ZNF365: variants seen among roughly 807,000 people sequenced by gnomAD.
The protein encoded by ZNF365 is protein ZNF365.
ZNF365 carries 22 observed loss-of-function variants against 35.0 expected under a neutral mutation model. The ratio of observed to expected loss-of-function variants is 0.63; its 90% confidence interval spans 0.45 to 0.90. The LOEUF (loss-of-function observed/expected upper bound fraction) is 0.90, where lower values mean the gene tolerates loss of function less well. ZNF365 is among the 40% of genes least tolerant of loss of function. ZNF365 has a pLI of 0.00. For missense variants in ZNF365, 448 were observed against 500.3 expected (o/e 0.90, Z 1.00); for synonymous variants, 188 against 196.2 (o/e 0.96, Z 0.35).
rs1380386272 is a variant in ZNF365 at position 62,399,839 on chromosome 10, T to C, written c.*50T>C. On this transcript the variant is annotated 3_prime_UTR_variant, in exon 5 of 5. Coordinates refer to ENST00000395254, the MANE Select transcript of ZNF365 (RefSeq NM_014951.3). The stretch of plus-strand genomic sequence containing the variant: ...CATCGCTGGGCTTTGGGGAACGTTG[T>C]TCCAGGAGCCAACAGTAATGTCTTT... 3.6e-5 allele frequency: 56 copies of C among 1,555,014 alleles called. No individual in the cohort carries two copies. The highest frequency in any genetic ancestry group is 4.7e-5 in the Non-Finnish European group (54 of 1,149,258).
intron 4 of ZNF365, among the ~76,000 whole-genome samples, chr10:62,477,476 A>C (rs1408174856): frequency 6.6e-6 from 1 of 152,196 alleles, no homozygotes; most frequent in Non-Finnish European, 1.5e-5. Context: ...CATCCTTTAG[A>C]TATGTGGGAT....
intron 3 of ZNF365, among the ~76,000 whole-genome samples, chr10:62,454,629 A>C (rs1840733324): frequency 6.7e-6 from 1 of 150,098 alleles, no homozygotes; most frequent in South Asian, 2.1e-4. Flanking sequence ...CATGTGCTTC[A>C]TGTTTTTTTT....
intron 4 of ZNF365, among the ~76,000 whole-genome samples, chr10:62,465,319 A>C (rs1025432120): frequency 1.3e-5 from 2 of 152,130 alleles, no homozygotes; most frequent in African/African-American, 4.8e-5. Flanking sequence ...CAGGGTACTG[A>C]GGGTGGCTTG....
chr10:62,441,292 T>C (rs1840497223), intron 3 of ZNF365, among the ~76,000 whole-genome samples: 1 of 152,180 alleles, frequency 6.6e-6, no homozygotes, highest in Non-Finnish European at 1.5e-5. Context: ...TGGCAGTTTC[T>C]TTTTGCTCCC....
At chr10:62,441,500 C>A (rs1840500948) in intron 3 of ZNF365, among the ~76,000 whole-genome samples, 2 of 152,010 alleles carry the variant, frequency 1.3e-5, no homozygotes, top group Non-Finnish European at 2.9e-5. Context: ...GTCATACAGA[C>A]CTCAGTCATC....
intron 3 of ZNF365, among the ~76,000 whole-genome samples, chr10:62,426,396 T>A (rs961590497): frequency 6.6e-6 from 1 of 152,164 alleles, no homozygotes; most frequent in Non-Finnish European, 1.5e-5. Context: ...CAAACCTCCC[T>A]GCAGGCTACC....
chr10:62,430,253 G>GTTTT (rs34778344), intron 3 of ZNF365, among the ~76,000 whole-genome samples: 2 of 101,904 alleles, frequency 2.0e-5, no homozygotes, highest in African/African-American at 3.8e-5. Flanking sequence ...TTTGGAAAAG[G>GTTTT]TTTTTTTTTT....
At chr10:62,473,365 T>C (rs1841075221) in intron 4 of ZNF365, among the ~76,000 whole-genome samples, 1 of 152,206 alleles carries the variant, frequency 6.6e-6, no homozygotes, top group Non-Finnish European at 1.5e-5. Flanking sequence ...GTAAAAACTT[T>C]GTTGATCTGA....
chr10:62,427,297 A>G (rs955892257), intron 3 of ZNF365, among the ~76,000 whole-genome samples: 1 of 152,148 alleles, frequency 6.6e-6, no homozygotes, highest in Non-Finnish European at 1.5e-5. Context: ...CTGTACCTTT[A>G]GTATGTTTAG....
chr10:62,446,782 G>C (rs1247566646), intron 3 of ZNF365, among the ~76,000 whole-genome samples: 1 of 152,134 alleles, frequency 6.6e-6, no homozygotes, highest in Non-Finnish European at 1.5e-5. Context: ...CGGCTGGCTG[G>C]TCCTGAAACT....
chr10:62,474,851 G>A (rs1184105855), intron 4 of ZNF365, among the ~76,000 whole-genome samples: 1 of 152,174 alleles, frequency 6.6e-6, no homozygotes. Flanking sequence ...CAGTTCACAT[G>A]GTCTTGTCTC....
Position 62,399,656 on chromosome 10 carries a change from A to G in ZNF365, c.1091A>G (p.His364Arg), listed in dbSNP as rs775447074. Residue 364 changes from histidine to arginine, a missense_variant, in exon 5 of 5, where the codon CAC becomes CGC. Transcript: ENST00000395254. The stretch of plus-strand genomic sequence containing the variant: ...AGCATGCAGCCTGCCAAGGCCATTC[A>G]CGAACAGGCTGAGTCCTCAAGAGAC... ...RASMQPAKAI[H>R]EQAESSRDLC... 1 of 1,614,184 alleles carries G rather than the reference A, an allele frequency of 6.2e-7. No individual in the cohort carries two copies. Among genetic ancestry groups the G allele is most frequent in the Non-Finnish European group, 8.5e-7 (1 of 1,180,044 alleles).
At chr10:62,410,983 A>C (rs1452282554) in intron 3 of ZNF365, among the ~76,000 whole-genome samples, 2 of 152,142 alleles carry the variant, frequency 1.3e-5, no homozygotes, top group Non-Finnish European at 2.9e-5. Context: ...CTAGCTTGAG[A>C]CAGTGTATCA....
intron 3 of ZNF365, among the ~76,000 whole-genome samples, chr10:62,435,169 A>G (rs1033574532): frequency 1.3e-5 from 2 of 152,202 alleles, no homozygotes; most frequent in Non-Finnish European, 2.9e-5. Flanking sequence ...ACTTGCTGAG[A>G]TTTGGGAAGG....
rs917174977 is a variant in ZNF365, at chr10:62,398,696, T to C, written c.925-44T>C. 1.9e-6 allele frequency: 3 copies of C among 1,578,448 alleles called. No individual in the cohort carries two copies. The African/African-American group carries it at 4.1e-5, about 21-fold the overall frequency. On this transcript the variant is annotated intron_variant, in intron 3 of 4. Coordinates refer to ENST00000395254, the MANE Select transcript of ZNF365 (RefSeq NM_014951.3). ...GAAATATTTTAAAAACCAAATCCAGTCCTCAAATGCAGTTAACATTTTTTC... is the reference window on the plus strand; with the variant it reads ...GAAATATTTTAAAAACCAAATCCAGCCCTCAAATGCAGTTAACATTTTTTC...
At chr10:62,430,553 A>T (rs953811813) in intron 3 of ZNF365, among the ~76,000 whole-genome samples, 1 of 152,216 alleles carries the variant, frequency 6.6e-6, no homozygotes, top group African/African-American at 2.4e-5. Context: ...GAAGTTTAAT[A>T]ACATAATAAA....
chr10:62,399,024 T>C (rs1839778696), intron 4 of ZNF365, among the ~76,000 whole-genome samples: 1 of 152,210 alleles, frequency 6.6e-6, no homozygotes, highest in African/African-American at 2.4e-5. Context: ...TTTTAGAGTA[T>C]TATATAGTAT....
intron 3 of ZNF365, among the ~76,000 whole-genome samples, chr10:62,415,027 TTG>T (rs1171746549): frequency 1.3e-5 from 2 of 152,158 alleles, no homozygotes; most frequent in African/African-American, 4.8e-5. Flanking sequence ...TTCGTCTGAT[TTG>T]TTTTTAGAGA....
intron 3 of ZNF365, among the ~76,000 whole-genome samples, chr10:62,389,439 G>GT (rs59551708): frequency 0.058 from 8,561 of 148,302 alleles, 559 homozygotes; most frequent in African/African-American, 0.16. Context: ...AAATAGTTTT[G>GT]TTTTTTTTTT....
Sources: allele counts gnomAD v4.1 joint callset (sites outside exome capture counted in the v4.1 genomes callset), GRCh38; gene constraint gnomAD v4.1.1; transcripts MANE v1.5; gene names NCBI Gene and HGNC (gene_info 2026-07-23, HGNC 2026-07-21).